Variants in MBL2 observed in about 807,000 individuals in gnomAD.
The protein encoded by MBL2 is mannose-binding protein C.
Under a neutral mutation model 12.7 loss-of-function variants are expected in MBL2, and 6 were observed. The observed-to-expected ratio is 0.47, with a 90% CI of 0.26 to 0.94. The LOEUF is 0.94. MBL2 is among the 40% of genes least tolerant of loss of function. The probability of loss-of-function intolerance (pLI) is 0.15; values close to 1 mark genes in which losing one functional copy is unlikely to be tolerated. For missense variants in MBL2, 307 were observed against 295.2 expected, an observed-to-expected ratio of 1.04 and a Z score of -0.29; for synonymous variants, 114 against 112.0, an observed-to-expected ratio of 1.02 and a Z score of -0.11.
In MBL2 at chr10:52,768,110, CAAG is replaced by C. The variant is rs780978797; in HGVS notation, c.*24_*26del. 146 of 1,557,550 alleles carry C rather than the reference CAAG, an allele frequency of 9.4e-5. No individual in the cohort carries two copies. The highest frequency in any genetic ancestry group is 1.2e-4 in the Non-Finnish European group (135 of 1,152,292). On this transcript the variant is annotated 3_prime_UTR_variant, in exon 5 of 5. Coordinates refer to ENST00000674931, the MANE Select transcript of MBL2 (RefSeq NM_001378373.1). The stretch of plus-strand genomic sequence containing the variant: ...GGGCCTGTGGGTTGCAGTAAAAAGA[CAAG>C]GAGGGCCTGAGTGATATGACCCTTC...
chr10:52,765,476 G>C lies in MBL2; in HGVS notation c.*2661C>G, dbSNP rs900503238. 1.3e-5 allele frequency: 2 copies of C among 152,214 alleles called. No homozygotes were observed. Among genetic ancestry groups the C allele is most frequent in the Non-Finnish European group, 2.9e-5 (2 of 68,018 alleles). The allele number at this position is 152,214 out of a possible 1,614,324, so 9.4% of individuals were successfully genotyped here. ...TAATATCACATTATCTCATTAAAAA[G>C]CATGTATCTAGCGGCATAACTGTGT... is the stretch of plus-strand genomic sequence containing the variant. On this transcript the variant is annotated 3_prime_UTR_variant, in exon 5 of 5. Transcript: ENST00000674931.
chr10:52,769,405 T>TA, intron 3 of MBL2, 90 bp from the exon 4 acceptor site: 1 of 680,810 alleles, frequency 1.5e-6, no homozygotes, highest in Non-Finnish European at 2.5e-6. Flanking sequence ...TTTTTCAAAC[T>TA]GAAAAAAAAA....
chr10:52,770,871 G>C (rs1840380321), intron 2 of MBL2, 85 bp from the exon 3 acceptor site: 1 of 709,946 alleles, frequency 1.4e-6, no homozygotes. Context: ...CCCTTCTCAG[G>C]AGAAAGGAGA....
intron 1 of MBL2, 114 bp downstream of exon 1, chr10:52,772,623 C>T (rs991303687): frequency 4.7e-5 from 22 of 472,952 alleles, no homozygotes; most frequent in Admixed American, 2.6e-4. Context: ...CTGATTTCTG[C>T]TTTCCATCCC....
chr10:52,770,707 TCCTGGTGACCCAGAAGGC>T lies in MBL2; in HGVS notation c.249_266del (p.Ser85_Pro90del). On this transcript the variant is annotated inframe_deletion, in exon 3 of 5. Transcript: ENST00000674931. ...CAGGGTCTCCTTTTTGGCCCTTTGG[TCCTGGTGACCCAGAAGGC>T]CCTGGATTTCCTGGAGGCCCCAACT... 1 of 1,520,614 alleles carries T rather than the reference TCCTGGTGACCCAGAAGGC, an allele frequency of 6.6e-7. No homozygotes were observed. Among genetic ancestry groups the T allele is most frequent in the Non-Finnish European group, 8.9e-7 (1 of 1,126,040 alleles). The allele number at this position is 1,520,614 out of a possible 1,614,324, so 94.2% of individuals were successfully genotyped here. A position where few individuals can be genotyped will look rare whatever the true frequency, so the allele number is the denominator to read the frequency against.
At chr10:52,771,962 C>A (rs1328238497) in intron 1 of MBL2, among the ~76,000 whole-genome samples, 1 of 152,176 alleles carries the variant, frequency 6.6e-6, no homozygotes, top group Non-Finnish European at 1.5e-5. Context: ...GCATTGCCAG[C>A]TGGCTTATGC....
rs1304266621 is a variant in MBL2 at position 52,766,125 on chromosome 10, T to C, written c.*2012A>G. Reference sequence around the variant, plus strand: ...GAAGCGATACATGATGAACATTGATTAGAGATTCAGTAGTAAGTTGCCAGT... The same window carrying C: ...GAAGCGATACATGATGAACATTGATCAGAGATTCAGTAGTAAGTTGCCAGT... On this transcript the variant is annotated 3_prime_UTR_variant, in exon 5 of 5. Coordinates refer to ENST00000674931, the MANE Select transcript of MBL2 (RefSeq NM_001378373.1). 1 of 152,156 alleles carries C rather than the reference T, an allele frequency of 6.6e-6. No homozygotes were observed. 9.4% of individuals were successfully genotyped at this position (152,156 alleles called of 1,614,324 possible).
In MBL2 at chr10:52,771,378, TCTC is replaced by T. The variant is rs1265085059; in HGVS notation, c.187+68_187+70del. 5 of 1,520,282 alleles carry T rather than the reference TCTC, an allele frequency of 3.3e-6. No individual in the cohort carries two copies. In the African/African-American group the frequency reaches 5.5e-5, roughly 17 times the overall value. The allele number at this position is 1,520,282 out of a possible 1,614,324, so 94.2% of individuals were successfully genotyped here. A position where few individuals can be genotyped will look rare whatever the true frequency, so the allele number is the denominator to read the frequency against. ...AAAATATACTCAAATAGGACATCAG[TCTC>T]CTCATATCCCCAGGCAGTTTCCTCT... On this transcript the variant is annotated intron_variant, in intron 2 of 4. Coordinates refer to ENST00000674931, the MANE Select transcript of MBL2 (RefSeq NM_001378373.1).
At position 52,768,431 on chromosome 10, in the gene MBL2, C is replaced by T. The variant is rs1840339956; in HGVS notation, c.453G>A (p.Val151=). Residue 151 remains valine (V), a synonymous_variant, in exon 5 of 5, where the codon GTG becomes GTA. Coordinates refer to ENST00000674931, the MANE Select transcript of MBL2 (RefSeq NM_001378373.1). ...CCTGGAACTTGACACACAAGGCCTT[C>T]ACTTTTTCAAAGGTCATTATTTCAC... is the stretch of plus-strand genomic sequence containing the variant. The part of the protein sequence containing the change: ...TNGEIMTFEK[V]KALCVKFQAS... 6.2e-7 allele frequency: 1 copy of T among 1,611,742 alleles called. No individual in the cohort carries two copies.
In MBL2 at chr10:52,768,257, G is replaced by C; in HGVS notation, c.627C>G (p.Asn209Lys). The change falls in exon 5 of 5, where the codon AAC becomes AAG. Residue 209 changes from asparagine (N) to lysine (K), a missense_variant. Asn to Lys is a moderately conservative substitution (Grantham distance 94). Coordinates refer to ENST00000674931, the MANE Select transcript of MBL2 (RefSeq NM_001378373.1). ...AACCAGCATTGTTGGGTTCACCCTCGTTCCAGTTTGTGTAGGTCAGTCTAT... is the reference window on the plus strand; with the variant it reads ...AACCAGCATTGTTGGGTTCACCCTCCTTCCAGTTTGTGTAGGTCAGTCTAT... ...TGNRLTYTNW[N>K]EGEPNNAGSD... is the part of the protein sequence containing the mutation. The C allele has an allele frequency of 1.9e-6, 3 of 1,613,802 alleles. No homozygotes were observed. Among genetic ancestry groups the C allele is most frequent in the Non-Finnish European group, 2.5e-6 (3 of 1,180,012 alleles).
In MBL2 at chr10:52,768,089, C is replaced by T. The variant is rs1235097189; in HGVS notation, c.*48G>A. ...TTATCTTTTCAAGCATACTGTGGGC[C>T]TGTGGGTTGCAGTAAAAAGACAAGG... On this transcript the variant is annotated 3_prime_UTR_variant, in exon 5 of 5. Transcript: ENST00000674931. 5 of 1,541,598 alleles carry T rather than the reference C, an allele frequency of 3.2e-6. No individual in the cohort carries two copies. The highest frequency in any genetic ancestry group is 3.5e-6 in the Non-Finnish European group (4 of 1,144,464).
At chr10:52,769,154 G>T in intron 4 of MBL2, 93 bp downstream of exon 4, 2 of 799,800 alleles carry the variant, frequency 2.5e-6, no homozygotes, top group Non-Finnish European at 2.1e-6. Context: ...ATGCCTAGCA[G>T]GGTACAGAAA....
At chr10:52,770,598 G>T in intron 3 of MBL2, 72 bp downstream of exon 3, 1 of 910,276 alleles carries the variant, frequency 1.1e-6, no homozygotes, top group Non-Finnish European at 1.5e-6. Context: ...AGGAGAAGGG[G>T]CACCTCTTAC....
At chr10:52,770,223 C>T (rs989307364) in intron 3 of MBL2, among the ~76,000 whole-genome samples, 3 of 152,170 alleles carry the variant, frequency 2.0e-5, no homozygotes, top group Non-Finnish European at 4.4e-5. Flanking sequence ...ATCACATGGC[C>T]GACCCACAGA....
chr10:52,769,269 T>C lies in MBL2; in HGVS notation c.351A>G (p.Thr117=), dbSNP rs1318838569. 4 of 1,612,046 alleles carry C rather than the reference T, an allele frequency of 2.5e-6. No homozygotes were observed. Among genetic ancestry groups the C allele is most frequent in the Non-Finnish European group, 3.4e-6 (4 of 1,179,462 alleles). ...TACACTTTTTGATACGTGCCATTTC[T>C]GTTTGCAGAGCTTTTCTTTCTGAGG... ...LAASERKALQ[T]EMARIKKWLT... The change falls in exon 4 of 5, where the codon ACA becomes ACG. Residue 117 remains threonine, a synonymous_variant. Coordinates refer to ENST00000674931, the MANE Select transcript of MBL2 (RefSeq NM_001378373.1).
chr10:52,769,832 G>A (rs1332935599), intron 3 of MBL2, among the ~76,000 whole-genome samples: 1 of 152,146 alleles, frequency 6.6e-6, no homozygotes, highest in African/African-American at 2.4e-5. Context: ...ATCCAAGTGG[G>A]GAGGGCATGA....
rs913834791 is a variant in MBL2 at position 52,770,227 on chromosome 10, C to G, written c.304+443G>C. Reference sequence around the variant, plus strand: ...CCAGCAGAGAAATCACATGGCCGACCCACAGACTTGTGATTTAAATTGACG... The same window carrying G: ...CCAGCAGAGAAATCACATGGCCGACGCACAGACTTGTGATTTAAATTGACG... On this transcript the variant is annotated intron_variant, in intron 3 of 4. Transcript: ENST00000674931. 1.0e-3 allele frequency among the ~76,000 whole-genome samples: 158 copies of G among 152,202 alleles called. 4 individuals carry two copies. The highest frequency in any genetic ancestry group is 1.9e-4 in the Non-Finnish European group (13 of 68,040).
chr10:52,769,667 C>T lies in MBL2; in HGVS notation c.305-352G>A, dbSNP rs186776540. 1.1e-3 allele frequency among the ~76,000 whole-genome samples: 165 copies of T among 152,176 alleles called. 1 individual carries two copies. Among genetic ancestry groups the T allele is most frequent in the Admixed American group, 5.9e-3 (90 of 15,276 alleles). ...AAAACTAAAAAGAAATCTCTTGAGG[C>T]GTTACTCTATTATGACCTGGTGAAG... On this transcript the variant is annotated intron_variant, in intron 3 of 4. Transcript: ENST00000674931.
Position 52,765,770 on chromosome 10 carries a change from G to T in MBL2, c.*2367C>A, listed in dbSNP as rs1394721759. The T allele has an allele frequency of 6.6e-6, 1 of 152,092 alleles. No homozygotes were observed. The highest frequency in any genetic ancestry group is 1.9e-4 in the East Asian group (1 of 5,162). The allele number at this position is 152,092 out of a possible 1,614,324, so 9.4% of individuals were successfully genotyped here. A position where few individuals can be genotyped will look rare whatever the true frequency, so the allele number is the denominator to read the frequency against. On this transcript the variant is annotated 3_prime_UTR_variant, in exon 5 of 5. Transcript: ENST00000674931. ...CCTGATCTGGTGGTCTCTGTATTGG[G>T]GTTGCTAACCAGTGCAATAAGGTAA...
Sources: gnomAD v4.1 joint callset for allele counts (sites outside exome capture counted in the v4.1 genomes callset) on GRCh38, gnomAD v4.1.1 for gene constraint, MANE v1.5 for transcripts, NCBI Gene and HGNC (gene_info 2026-07-23, HGNC 2026-07-21) for gene names.